Variants in SH3GLB2 observed in about 807,000 individuals in gnomAD.
SH3GLB2 encodes SH3 domain containing GRB2 like, endophilin B2.
SH3GLB2 carries 24 observed loss-of-function variants against 48.0 expected under a neutral mutation model. The observed-to-expected ratio is 0.50, with a 90% CI of 0.36 to 0.70. The LOEUF (loss-of-function observed/expected upper bound fraction) is 0.70, where lower values mean the gene tolerates loss of function less well. Among genes scored for constraint, SH3GLB2 ranks in the 30% least tolerant of loss-of-function variants. The pLI is 0.00. For missense variants in SH3GLB2, 425 were observed against 516.0 expected (o/e 0.82, Z 1.71); for synonymous variants, 227 against 207.6 (o/e 1.09, Z -0.80).
rs1427421826 is a variant in SH3GLB2 at position 129,014,798 on chromosome 9, G to A, written c.441C>T (p.Phe147=). 6.2e-7 allele frequency: 1 copy of A among 1,613,788 alleles called. No homozygotes were observed. The highest frequency in any genetic ancestry group is 8.5e-7 in the Non-Finnish European group (1 of 1,179,952). Residue 147 remains phenylalanine, a synonymous_variant, in exon 4 of 11, where the codon TTC becomes TTT. Transcript: ENST00000372564. The surrounding 1 kb of genome is among the most constrained non-coding windows in gnomAD (Gnocchi z 4.1). ...SISFLTPLRN[F]LEGDWKTISK... is the part of the protein sequence containing the mutation. ...AGATGGTCTTCCAGTCCCCCTCCAG[G>A]AAGTTGCGCAAGGGTGTGAGGAAGC...
chr9:129,019,686 G>A (rs1843660121), intron 3 of SH3GLB2, among the ~76,000 whole-genome samples: 1 of 142,340 alleles, frequency 7.0e-6, no homozygotes, highest in Admixed American at 7.0e-5. Context: ...TCCAGCCTGG[G>A]TGACAGAGTG....
rs1287983206 is a variant in SH3GLB2, at chr9:129,007,710, G to GCAGA, written c.*970_*973dup. On this transcript the variant is annotated 3_prime_UTR_variant, in exon 11 of 11. Coordinates refer to ENST00000372564, the MANE Select transcript of SH3GLB2 (RefSeq NM_020145.4). ...ACATGCTGGGTGAAACGCCCGACCT[G>GCAGA]CAGACAGCACTGACCGCTACCCACT... The GCAGA allele has an allele frequency of 6.6e-6, 1 of 152,240 alleles. No individual in the cohort carries two copies. The allele number at this position is 152,240 out of a possible 1,614,324, so 9.4% of individuals were successfully genotyped here. A position where few individuals can be genotyped will look rare whatever the true frequency, so the allele number is the denominator to read the frequency against.
At chr9:129,009,688 T>TCA in intron 9 of SH3GLB2, 83 bp downstream of exon 9, 1 of 1,432,140 alleles carries the variant, frequency 7.0e-7, no homozygotes. Flanking sequence ...GTCACAGGAC[T>TCA]TGCCCAGAGG....
intron 1 of SH3GLB2, 98 bp downstream of exon 1, chr9:129,027,994 C>T: frequency 2.5e-6 from 3 of 1,185,590 alleles, no homozygotes; most frequent in East Asian, 3.3e-5. Context: ...GGCAGCAGCC[C>T]GGGAGGGCTT....
intron 3 of SH3GLB2, chr9:129,015,842 T>A: frequency 2.8e-6 from 1 of 355,814 alleles, no homozygotes; most frequent in Non-Finnish European, 5.7e-6. Context: ...CACTCCAGTC[T>A]GGGTGACACA....
chr9:129,009,652 A>C, intron 9 of SH3GLB2, 119 bp downstream of exon 9: 1 of 1,373,822 alleles, frequency 7.3e-7, no homozygotes, highest in Non-Finnish European at 1.0e-6. Context: ...AGTGGGTTCC[A>C]GCAGAGCCCT....
rs186404876 is a variant in SH3GLB2 at position 129,009,435 on chromosome 9, C to T, written c.840-89G>A. 13,383 of 1,550,044 alleles carry T rather than the reference C, an allele frequency of 8.6e-3. 68 individuals carry two copies. Among genetic ancestry groups the T allele is most frequent in the Non-Finnish European group, 0.01 (11,857 of 1,146,924 alleles). On this transcript the variant is annotated intron_variant, in intron 9 of 10. Transcript: ENST00000372564. ...CCTCCCCAGCCCCAGGAGCCCCACT[C>T]CAGCCCCGGCTACTCACATGGCACC...
rs541217225 is a variant in SH3GLB2 at position 129,009,937 on chromosome 9, A to G, written c.739-66T>C. The G allele has an allele frequency of 2.3e-5, 35 of 1,495,692 alleles. 1 individual carries two copies. The South Asian group carries it at 3.3e-4, about 14-fold the overall frequency. The allele number at this position is 1,495,692 out of a possible 1,614,324, so 92.7% of individuals were successfully genotyped here. A position where few individuals can be genotyped will look rare whatever the true frequency, so the allele number is the denominator to read the frequency against. On this transcript the variant is annotated intron_variant, in intron 8 of 10. Coordinates refer to ENST00000372564, the MANE Select transcript of SH3GLB2 (RefSeq NM_020145.4). Reference sequence around the variant, plus strand: ...CCTCAGAACAAAAAATTCCGTCCCCATCCCCGTCCTCTACCAGACCTTGCT... The same window carrying G: ...CCTCAGAACAAAAAATTCCGTCCCCGTCCCCGTCCTCTACCAGACCTTGCT...
chr9:129,025,329 G>A (rs568522658), intron 1 of SH3GLB2, among the ~76,000 whole-genome samples: 16 of 150,836 alleles, frequency 1.1e-4, no homozygotes, highest in African/African-American at 3.2e-4. Context: ...TTGGGAGGCC[G>A]AGGCAGGAGG....
At chr9:129,024,550 C>A (rs1291555696) in intron 1 of SH3GLB2, among the ~76,000 whole-genome samples, 1 of 143,500 alleles carries the variant, frequency 7.0e-6, no homozygotes, top group Non-Finnish European at 1.5e-5. Flanking sequence ...GAGTGCGACT[C>A]AGTCTCAAAA....
chr9:129,009,427 G>A, intron 9 of SH3GLB2, 81 bp from the exon 10 acceptor site: 1 of 1,550,232 alleles, frequency 6.5e-7, no homozygotes, highest in Non-Finnish European at 8.7e-7. Flanking sequence ...AGCCCCAGGA[G>A]CCCCACTCCA....
chr9:129,025,926 C>T (rs932949832), intron 1 of SH3GLB2, among the ~76,000 whole-genome samples: 1 of 152,128 alleles, frequency 6.6e-6, no homozygotes, highest in Non-Finnish European at 1.5e-5. Context: ...TTACTTCTAC[C>T]ACTACTATTA....
At chr9:129,009,013 C>T (rs1187925709) in intron 10 of SH3GLB2, 93 bp downstream of exon 10, 7 of 1,564,940 alleles carry the variant, frequency 4.5e-6, no homozygotes, top group Admixed American at 1.8e-5. Flanking sequence ...ACTTTGCCAA[C>T]AGGGCCCCTC....
intron 9 of SH3GLB2, chr9:129,009,568 A>G: frequency 6.5e-7 from 1 of 1,538,382 alleles, no homozygotes; most frequent in Non-Finnish European, 8.8e-7. Flanking sequence ...AGAAACCCTC[A>G]GGGGCTCCAG....
intron 9 of SH3GLB2, 68 bp downstream of exon 9, chr9:129,009,703 C>A: frequency 6.8e-7 from 1 of 1,476,478 alleles, no homozygotes; most frequent in South Asian, 1.2e-5. Context: ...CAGAGGAGCT[C>A]ATGCTGCCCA....
intron 3 of SH3GLB2, among the ~76,000 whole-genome samples, chr9:129,016,342 TAAAAAAAAAAAAA>T (rs57505648): frequency 2.6e-4 from 9 of 34,102 alleles, no homozygotes; most frequent in Admixed American, 9.0e-4. Flanking sequence ...AGACTGTCTT[TAAAAAAAAAAAAA>T]AAAAAAAAAA....
intron 7 of SH3GLB2, chr9:129,010,411 G>A: frequency 1.6e-6 from 1 of 639,526 alleles, no homozygotes; most frequent in Non-Finnish European, 2.8e-6. Context: ...GGCAGCTGCA[G>A]TGACAGACCC....
intron 2 of SH3GLB2, among the ~76,000 whole-genome samples, chr9:129,021,609 G>T (rs554737571): frequency 4.0e-5 from 6 of 151,546 alleles, no homozygotes; most frequent in South Asian, 2.1e-4. Flanking sequence ...TTGGGGGCCT[G>T]CCTGGGTGTG....
Position 129,011,049 on chromosome 9 carries a change from AC to A in SH3GLB2, c.625-357del. ...CTGGGCTGGGCGGCAGAACTGTGTGACCCTGGGCCAGTCACTGAAGCTTTCT... is the reference window on the plus strand; with the variant it reads ...CTGGGCTGGGCGGCAGAACTGTGTGACCTGGGCCAGTCACTGAAGCTTTCT... On this transcript the variant is annotated intron_variant, in intron 6 of 10. Coordinates refer to ENST00000372564, the MANE Select transcript of SH3GLB2 (RefSeq NM_020145.4). The surrounding 1 kb of genome is among the most constrained non-coding windows in gnomAD (Gnocchi z 4.5). The A allele has an allele frequency of 3.3e-6, 1 of 303,134 alleles. No homozygotes were observed. The highest frequency in any genetic ancestry group is 6.1e-6 in the Non-Finnish European group (1 of 162,608). 18.8% of individuals were successfully genotyped at this position (303,134 alleles called of 1,614,324 possible).
Sources: allele counts gnomAD v4.1 joint callset (sites outside exome capture counted in the v4.1 genomes callset), GRCh38; gene constraint gnomAD v4.1.1; non-coding constraint Gnocchi (gnomAD v3.1); transcripts MANE v1.5; gene names NCBI Gene and HGNC (gene_info 2026-07-23, HGNC 2026-07-21).